The following ADAR variants were observed in gnomAD, a reference collection of about 807,000 sequenced individuals.
ADAR encodes double-stranded RNA-specific adenosine deaminase.
In ADAR, 41 loss-of-function variants were observed where a neutral mutation model predicts 113.2. The ratio of observed to expected loss-of-function variants is 0.36; its 90% CI spans 0.28 to 0.47. ADAR has a LOEUF of 0.47. ADAR is among the 20% of genes least tolerant of loss of function. ADAR has a pLI of 1.00. For synonymous variants in ADAR, 605 were observed against 572.6 expected (o/e 1.06, Z -0.81); for missense variants, 1,242 against 1,540.9 (o/e 0.81, Z 3.25).
At chr1:154,585,184 C>G (rs1696666895) in intron 14 of ADAR, 33 bp downstream of exon 14, 2 of 1,614,012 alleles carry the variant, frequency 1.2e-6, no homozygotes, top group Non-Finnish European at 1.7e-6. Flanking sequence ...AGGGCAGAGG[C>G]TTGGTCCTCA....
At position 154,626,139 on chromosome 1, in the gene ADAR, A is replaced by T. The variant is rs1698929959; in HGVS notation, c.-871+1716T>A. Among the ~76,000 whole-genome samples, 3 of 142,950 alleles carry T rather than the reference A, an allele frequency of 2.1e-5. No individual in the cohort carries two copies. In the South Asian group the frequency reaches 7.2e-4, roughly 34 times the overall value. The allele number at this position is 142,950 out of a possible 152,430, so 93.8% of individuals were successfully genotyped here. ...TAAAGTGAGTTTTTTTTTTTTTGAG[A>T]TACAGTTTCGCTGTCGTCCAGGCTG... On this transcript the variant is annotated intron_variant, in intron 1 of 14. Coordinates refer to the ADAR transcript ENST00000368471.
chr1:154,622,259 T>C (rs1035098697), intron 1 of ADAR, among the ~76,000 whole-genome samples: 3 of 152,172 alleles, frequency 2.0e-5, no homozygotes, highest in Non-Finnish European at 2.9e-5. Context: ...TTACTAGCTA[T>C]GGCTGTAAAA....
rs540986909 is a variant in ADAR, at chr1:154,600,902, G to C, written c.1601+139C>G. The C allele has an allele frequency of 2.5e-6, 3 of 1,212,242 alleles. No homozygotes were observed. In the South Asian group the frequency reaches 3.8e-5, roughly 15 times the overall value. The allele number at this position is 1,212,242 out of a possible 1,614,324, so 75.1% of individuals were successfully genotyped here. ...ATCTGGAGAAAGGGCCAATCAAGGG[G>C]AATTTAGCTAAAAGGCAGAAGGGAA... On this transcript the variant is annotated intron_variant, in intron 2 of 14. Transcript: ENST00000368474.
Position 154,585,360 on chromosome 1 carries a change from G to A in ADAR, c.3316-16C>T. On this transcript the variant is annotated splice_polypyrimidine_tract_variant and intron_variant, in intron 13 of 14. Transcript: ENST00000368474. The stretch of plus-strand genomic sequence containing the variant: ...CTCTGCCAACCTAGGAATCCCAGAA[G>A]CAACGGGAGAAAGATGGAAACCTTT... 1 of 1,614,050 alleles carries A rather than the reference G, an allele frequency of 6.2e-7. No individual in the cohort carries two copies. Among genetic ancestry groups the A allele is most frequent in the Non-Finnish European group, 8.5e-7 (1 of 1,179,992 alleles).
chr1:154,615,091 T>C (rs1698596744), intron 1 of ADAR, among the ~76,000 whole-genome samples: 1 of 152,200 alleles, frequency 6.6e-6, no homozygotes, highest in South Asian at 2.1e-4. Context: ...AAGGAATGGA[T>C]TCTCCCCTAC....
At chr1:154,591,936 T>C (rs774715765) in intron 6 of ADAR, among the ~76,000 whole-genome samples, 15 of 152,194 alleles carry the variant, frequency 9.9e-5, no homozygotes, top group African/African-American at 2.2e-4. Context: ...GAGGGACAGA[T>C]TGTGTAGTAT....
In ADAR at chr1:154,588,646, G is replaced by A. The variant is rs1696925747; in HGVS notation, c.2790C>T (p.Tyr930=). 11 of 1,614,056 alleles carry A rather than the reference G, an allele frequency of 6.8e-6. No homozygotes were observed. The highest frequency in any genetic ancestry group is 9.3e-6 in the Non-Finnish European group (11 of 1,179,992). The change falls in exon 10 of 15, where the codon TAC becomes TAT. Residue 930 remains tyrosine (Y), a synonymous_variant. Transcript: ENST00000368474. ...IRFLYSELMK[Y]NSQTAKDSIF... ...TACTATCCTTCGCAGTCTGGGAGTT[G>A]TATTTCATTAACTCACTGTAGAGAA...
chr1:154,595,886 T>A (rs1230356750), intron 6 of ADAR, among the ~76,000 whole-genome samples: 3 of 152,192 alleles, frequency 2.0e-5, no homozygotes, highest in Non-Finnish European at 2.9e-5. Flanking sequence ...TATACAGGTG[T>A]AGTATTTTTT....
intron 6 of ADAR, among the ~76,000 whole-genome samples, chr1:154,591,288 A>C (rs1697128938): frequency 6.6e-6 from 1 of 152,222 alleles, no homozygotes; most frequent in Non-Finnish European, 1.5e-5. Context: ...CTTTCTCCCC[A>C]CAAGTCACTG....
intron 1 of ADAR, among the ~76,000 whole-genome samples, chr1:154,607,741 A>G (rs866054229): frequency 7.7e-6 from 1 of 129,076 alleles, no homozygotes; most frequent in Non-Finnish European, 1.7e-5. Context: ...ACGCACACAC[A>G]CACACACACA....
Position 154,585,854 on chromosome 1 carries a change from T to C in ADAR, c.3214A>G (p.Ser1072Gly). The stretch of plus-strand genomic sequence containing the variant: ...ATAGCACGGGTCAGATGCCCTTGGC[T>C]GAAAAGGTAACCTGAGTACAAAAAA... ...LKSVTLGYLF[S>G]QGHLTRAICC... The change falls in exon 13 of 15, where the codon AGC becomes GGC. Residue 1072 changes from serine to glycine, a missense_variant. Physicochemically the swap from Ser to Gly is moderately conservative, Grantham distance 56. This residue lies in a region of ADAR where 780 missense variants were observed against 1,057.9 expected (regional missense o/e 0.74). Transcript: ENST00000368474. 6.2e-7 allele frequency: 1 copy of C among 1,614,054 alleles called. No homozygotes were observed.
At chr1:154,586,630 C>T (rs187033078) in intron 11 of ADAR, among the ~76,000 whole-genome samples, 1 of 152,326 alleles carries the variant, frequency 6.6e-6, no homozygotes, top group African/African-American at 2.4e-5. Flanking sequence ...GTAGCCAGTA[C>T]ATACGGAAGA....
intron 1 of ADAR, among the ~76,000 whole-genome samples, chr1:154,622,673 T>C (rs1388843951): frequency 6.6e-6 from 1 of 152,176 alleles, no homozygotes; most frequent in African/African-American, 2.4e-5. Flanking sequence ...CAAACACATA[T>C]GGGAAGAGGT....
In ADAR at chr1:154,601,614, A is replaced by C; in HGVS notation, c.1028T>G (p.Val343Gly). Reference sequence around the variant, plus strand: ...GGGAGGGGTTGTCCCTTGTCTATAGACATCCCCCTGCCTTTCCATGTCAAT... The same window carrying C: ...GGGAGGGGTTGTCCCTTGTCTATAGCCATCCCCCTGCCTTTCCATGTCAAT... ...VLIDMERQGD[V>G]YRQGTTPPIW... The change falls in exon 2 of 15, where the codon GTC becomes GGC. Residue 343 changes from valine (V) to glycine (G), a missense_variant. Physicochemically the swap from Val to Gly is moderately radical, Grantham distance 109. This residue lies in a region of ADAR where 462 missense variants were observed against 483.1 expected (regional missense o/e 0.96). Coordinates refer to ENST00000368474, the MANE Select transcript of ADAR (RefSeq NM_001111.5). This position sits in a 1 kb window ranked among gnomAD's most constrained non-coding sequence, Gnocchi z 4.7. The C allele has an allele frequency of 6.2e-7, 1 of 1,613,202 alleles. No homozygotes were observed. The highest frequency in any genetic ancestry group is 8.5e-7 in the Non-Finnish European group (1 of 1,179,988).
chr1:154,598,344 G>A (rs960096113), intron 3 of ADAR, 58 bp downstream of exon 3: 1 of 1,582,674 alleles, frequency 6.3e-7, no homozygotes, highest in African/African-American at 1.3e-5. Flanking sequence ...AAGGGAGTCA[G>A]TTACAATCCA....
chr1:154,625,623 C>G (rs571683216), intron 1 of ADAR, among the ~76,000 whole-genome samples: 1 of 152,336 alleles, frequency 6.6e-6, no homozygotes, highest in East Asian at 1.9e-4. Flanking sequence ...CTCTGGGAGG[C>G]CTAAGTGCGC....
In ADAR at chr1:154,585,028, C is replaced by T. The variant is rs1289934092; in HGVS notation, c.3459G>A (p.Leu1153=). 1 of 1,613,826 alleles carries T rather than the reference C, an allele frequency of 6.2e-7. No homozygotes were observed. The part of the protein sequence containing the change: ...RGTVDGPRNE[L]SRVSKKNIFL... ...AAATGTTCTTTTTGGAGACCCGGGACAATTCATTCCGTGGCCTAGAGAAAC... is the reference window on the plus strand; with the variant it reads ...AAATGTTCTTTTTGGAGACCCGGGATAATTCATTCCGTGGCCTAGAGAAAC... The change falls in exon 15 of 15, where the codon TTG becomes TTA. Residue 1153 remains leucine, a synonymous_variant. Coordinates refer to ENST00000368474, the MANE Select transcript of ADAR (RefSeq NM_001111.5).
intron 7 of ADAR, 44 bp downstream of exon 7, chr1:154,590,140 G>GCCC: frequency 7.3e-7 from 1 of 1,373,188 alleles, no homozygotes; most frequent in African/African-American, 1.8e-5. Flanking sequence ...GAGTTAGGAG[G>GCCC]ACCCCCCCGC....
intron 7 of ADAR, 30 bp downstream of exon 7, chr1:154,590,154 A>AC: frequency 2.2e-6 from 2 of 897,044 alleles, no homozygotes; most frequent in East Asian, 6.6e-5. Flanking sequence ...CCCCCGCCCC[A>AC]AAAAAGGCAC....
Sources: allele counts gnomAD v4.1 joint callset (sites outside exome capture counted in the v4.1 genomes callset), GRCh38; gene constraint gnomAD v4.1.1; regional missense constraint gnomAD v4.1.1; non-coding constraint Gnocchi (gnomAD v3.1); transcripts MANE v1.5; gene names NCBI Gene and HGNC (gene_info 2026-07-23, HGNC 2026-07-21).